The following CACHD1 variants were observed in gnomAD, a reference collection of about 807,000 sequenced individuals.
CACHD1 encodes the protein VWFA and cache domain-containing protein 1.
CACHD1 carries 71 observed loss-of-function variants against 138.7 expected under a neutral mutation model. The observed-to-expected ratio is 0.51, with a 90% CI of 0.42 to 0.62. CACHD1 has a LOEUF of 0.62. Ranked by LOEUF, CACHD1 falls within the 20% of genes least tolerant of loss-of-function variation. The pLI, the probability that CACHD1 is intolerant of heterozygous loss-of-function variation, is 0.00. For missense variants in CACHD1, 1,389 were observed against 1,625.3 expected (o/e 0.85, Z 2.50); for synonymous variants, 578 against 591.5 (o/e 0.98, Z 0.33).
At position 64,638,623 on chromosome 1, in the gene CACHD1, AT is replaced by A. The variant is rs151069088; in HGVS notation, c.1007-3196del. On this transcript the variant is annotated intron_variant, in intron 7 of 26. Coordinates refer to ENST00000651257, the MANE Select transcript of CACHD1 (RefSeq NM_020925.4). ...AAAGATGGTTAAGAGTGGAGATCTA[AT>A]GGTATGGGCAAAGCCTAAATATGAG... Among the ~76,000 whole-genome samples the A allele has an allele frequency of 9.8e-3, 1,486 of 151,990 alleles. 29 individuals are homozygous for A. Among genetic ancestry groups the A allele is most frequent in the African/African-American group, 0.035 (1,432 of 41,462 alleles).
chr1:64,493,142 G>A (rs1181610137), intron 1 of CACHD1, among the ~76,000 whole-genome samples: 1 of 152,184 alleles, frequency 6.6e-6, no homozygotes, highest in East Asian at 1.9e-4. Flanking sequence ...TTTGTGAACT[G>A]GGAAATCATT....
At chr1:64,486,924 G>T (rs558898957) in intron 1 of CACHD1, among the ~76,000 whole-genome samples, 2 of 152,290 alleles carry the variant, frequency 1.3e-5, no homozygotes, top group Non-Finnish European at 1.5e-5. Flanking sequence ...TTCAAAGAAG[G>T]CTTCTTGGGG....
chr1:64,614,506 A>G (rs573911121), intron 4 of CACHD1, among the ~76,000 whole-genome samples: 2 of 152,184 alleles, frequency 1.3e-5, no homozygotes, highest in Non-Finnish European at 2.9e-5. Flanking sequence ...TGTTTGGTCT[A>G]GACACCTGGC....
At position 64,639,950 on chromosome 1, in the gene CACHD1, A is replaced by G. The variant is rs373049840; in HGVS notation, c.1007-1870A>G. Among the ~76,000 whole-genome samples the G allele has an allele frequency of 4.2e-4, 64 of 152,324 alleles. 2 individuals carry two copies. In the South Asian group the frequency reaches 0.013, roughly 31 times the overall value. ...GTCTTCTCAAAGTTCTACTGGGGAA[A>G]TAGCTGCTTCCAAGCTCACTCACAC... On this transcript the variant is annotated intron_variant, in intron 7 of 26. Transcript: ENST00000651257.
chr1:64,571,257 A>G (rs1646925393), intron 2 of CACHD1, among the ~76,000 whole-genome samples: 1 of 152,142 alleles, frequency 6.6e-6, no homozygotes, highest in Non-Finnish European at 1.5e-5. Flanking sequence ...TTAGTTTTAA[A>G]AGGAATTTAC....
chr1:64,604,419 G>A (rs1217014111), intron 4 of CACHD1, among the ~76,000 whole-genome samples: 2 of 152,118 alleles, frequency 1.3e-5, no homozygotes, highest in Non-Finnish European at 2.9e-5. Flanking sequence ...GTAAATTAAC[G>A]GGGAGGATTC....
intron 10 of CACHD1, among the ~76,000 whole-genome samples, chr1:64,652,643 A>G (rs1264891935): frequency 6.6e-6 from 1 of 152,234 alleles, no homozygotes; most frequent in South Asian, 2.1e-4. Context: ...TATGAAAACA[A>G]TCGCAGTATC....
chr1:64,671,797 T>A (rs1219712279), intron 17 of CACHD1, 111 bp downstream of exon 17: 2 of 1,338,460 alleles, frequency 1.5e-6, no homozygotes, highest in Non-Finnish European at 2.1e-6. Flanking sequence ...AGAAATCTAA[T>A]TTATGGCCTG....
chr1:64,589,506 A>G (rs957871047), intron 3 of CACHD1, among the ~76,000 whole-genome samples: 1 of 151,974 alleles, frequency 6.6e-6, no homozygotes, highest in African/African-American at 2.4e-5. Context: ...GTGTGTGTAC[A>G]TACAGAGAGA....
intron 1 of CACHD1, among the ~76,000 whole-genome samples, chr1:64,547,489 C>G (rs888958635): frequency 2.0e-5 from 3 of 152,172 alleles, no homozygotes; most frequent in African/African-American, 7.2e-5. Context: ...CCTCAGCCTC[C>G]CAAGTAGCCG....
intron 2 of CACHD1, among the ~76,000 whole-genome samples, chr1:64,556,643 A>AT (rs1165340409): frequency 1.3e-4 from 20 of 149,658 alleles, no homozygotes; most frequent in African/African-American, 2.7e-4. Flanking sequence ...ACATTTTGTG[A>AT]TTTTTTACTC....
At chr1:64,522,671 AC>A (rs1444457529) in intron 1 of CACHD1, among the ~76,000 whole-genome samples, 2 of 151,864 alleles carry the variant, frequency 1.3e-5, no homozygotes, top group African/African-American at 4.8e-5. Flanking sequence ...ATACAGGGAA[AC>A]TCACTTTATT....
chr1:64,681,888 C>G, intron 25 of CACHD1, 117 bp from the exon 26 acceptor site: 1 of 862,218 alleles, frequency 1.2e-6, no homozygotes, highest in Non-Finnish European at 1.9e-6. Context: ...ATGATTTATT[C>G]TGGCTTTCCA....
At position 64,675,398 on chromosome 1, in the gene CACHD1, T is replaced by C. The variant is rs762084026; in HGVS notation, c.2728-3T>C. On this transcript the variant is annotated splice_region_variant and splice_polypyrimidine_tract_variant and intron_variant, in intron 19 of 26. Coordinates refer to ENST00000651257, the MANE Select transcript of CACHD1 (RefSeq NM_020925.4). ...CATTTCTGATACCTTGATTGTTCTG[T>C]AGGGGGATTTGACGAACCTTGTGCA... 6 of 1,587,454 alleles carry C rather than the reference T, an allele frequency of 3.8e-6. No homozygotes were observed. The African/African-American group carries it at 8.0e-5, about 21-fold the overall frequency.
At chr1:64,525,929 T>G (rs139569330) in intron 1 of CACHD1, among the ~76,000 whole-genome samples, 1 of 152,344 alleles carries the variant, frequency 6.6e-6, no homozygotes, top group African/African-American at 2.4e-5. Flanking sequence ...CTTTAAAAAT[T>G]ATTATTGCTT....
At chr1:64,488,735 C>A (rs1476211589) in intron 1 of CACHD1, among the ~76,000 whole-genome samples, 3 of 152,170 alleles carry the variant, frequency 2.0e-5, no homozygotes, top group African/African-American at 2.4e-5. Context: ...TCTTTTTCCT[C>A]AAAGCATTCA....
chr1:64,473,056 G>T (rs1646154722), intron 1 of CACHD1, among the ~76,000 whole-genome samples: 1 of 152,136 alleles, frequency 6.6e-6, no homozygotes, highest in Non-Finnish European at 1.5e-5. Flanking sequence ...AAAAAGCTCT[G>T]ATCGGTGGGG....
rs142600198 is a variant in CACHD1, at chr1:64,559,066, A to G, written c.261+8410A>G. Among the ~76,000 whole-genome samples the G allele has an allele frequency of 3.2e-4, 48 of 152,316 alleles. No homozygotes were observed. The East Asian group carries it at 8.9e-3, about 28-fold the overall frequency. On this transcript the variant is annotated intron_variant, in intron 2 of 26. Transcript: ENST00000651257. ...GTTGGTGGGAGTGTAAATTAGTTCA[A>G]CCATTGTGGAAAGCAGTATGGCGAT... is the stretch of plus-strand genomic sequence containing the variant.
At chr1:64,687,769 A>G (rs1650414038) in intron 26 of CACHD1, among the ~76,000 whole-genome samples, 1 of 152,008 alleles carries the variant, frequency 6.6e-6, no homozygotes, top group African/African-American at 2.4e-5. Flanking sequence ...TGTTGCTTTG[A>G]GAGTATAGTG....
Sources: gnomAD v4.1 joint callset for allele counts (sites outside exome capture counted in the v4.1 genomes callset) on GRCh38, gnomAD v4.1.1 for gene constraint, MANE v1.5 for transcripts, NCBI Gene and HGNC (gene_info 2026-07-23, HGNC 2026-07-21) for gene names.